ARHGEF26: variants seen among roughly 807,000 people sequenced by gnomAD.
The protein encoded by ARHGEF26 is Rho guanine nucleotide exchange factor (GEF) 26.
In ARHGEF26, 59 loss-of-function variants were observed where a neutral mutation model predicts 89.4. That is an observed-to-expected ratio of 0.66 (90% CI 0.54 to 0.82). ARHGEF26 has a LOEUF of 0.82. Among genes scored for constraint, ARHGEF26 ranks in the 40% least tolerant of loss-of-function variants. The probability of loss-of-function intolerance (pLI) is 0.00; values close to 1 mark genes in which losing one functional copy is unlikely to be tolerated. For synonymous variants in ARHGEF26, 500 were observed against 428.4 expected, an observed-to-expected ratio of 1.17 and a Z score of -2.06; for missense variants, 1,234 against 1,085.6, an observed-to-expected ratio of 1.14 and a Z score of -1.92.
chr3:154,194,338 C>T (rs1714151569), intron 8 of ARHGEF26, among the ~76,000 whole-genome samples: 2 of 152,130 alleles, frequency 1.3e-5, no homozygotes, highest in South Asian at 4.2e-4. Flanking sequence ...GAAAGAGAGG[C>T]TTATAAAGAT....
intron 11 of ARHGEF26, among the ~76,000 whole-genome samples, chr3:154,226,800 A>C (rs1026514984): frequency 6.6e-5 from 10 of 152,186 alleles, no homozygotes; most frequent in African/African-American, 2.4e-4. Context: ...ATGAACTTAG[A>C]GTGAAAACTT....
chr3:154,186,134 T>TAAACACACAC (rs1446154271), intron 6 of ARHGEF26, among the ~76,000 whole-genome samples: 1 of 26,884 alleles, frequency 3.7e-5, no homozygotes, highest in Non-Finnish European at 7.0e-5. Flanking sequence ...TACACACACT[T>TAAACACACAC]AGACACACAC....
chr3:154,237,575 T>TACACACAC (rs1322838552), intron 11 of ARHGEF26, among the ~76,000 whole-genome samples: 82 of 58,254 alleles, frequency 1.4e-3, no homozygotes, highest in Non-Finnish European at 2.4e-3. Flanking sequence ...CACACACACT[T>TACACACAC]AACTAGTTTA....
chr3:154,121,678 G>A (rs977269087), intron 1 of ARHGEF26, among the ~76,000 whole-genome samples, 159 bp downstream of exon 1: 1 of 152,238 alleles, frequency 6.6e-6, no homozygotes, highest in Admixed American at 6.5e-5. Flanking sequence ...CAGTGAATGG[G>A]TGGCGGGCTC....
intron 2 of ARHGEF26, 38 bp from the exon 3 acceptor site, chr3:154,124,372 C>CTTTTTTTTTTTTTTTTTCTTTT: frequency 9.9e-7 from 1 of 1,007,766 alleles, no homozygotes; most frequent in South Asian, 1.9e-5. Flanking sequence ...TTTGCTTTTC[C>CTTTTTTTTTTTTTTTTTCTTTT]TTTTTTTTTT....
chr3:154,254,739 C>A lies in ARHGEF26; in HGVS notation c.2388C>A (p.Ile796=). 4 of 1,613,830 alleles carry A rather than the reference C, an allele frequency of 2.5e-6. No individual in the cohort carries two copies. The South Asian group carries it at 4.4e-5, about 18-fold the overall frequency. Residue 796 remains isoleucine (I), a synonymous_variant, in exon 14 of 15, where the codon ATC becomes ATA. Transcript: ENST00000465093. ...CCTCAGCACTGACCCAGGTGGAAAT[C>A]GTTAGGTCATTTACTGCTAAGCAGC... The part of the protein sequence containing the change: ...ADRTSLTQVE[I]VRSFTAKQPD...
chr3:154,246,970 T>C (rs1218254480), intron 12 of ARHGEF26, among the ~76,000 whole-genome samples: 2 of 152,190 alleles, frequency 1.3e-5, no homozygotes, highest in East Asian at 3.9e-4. Context: ...TTAATCAACC[T>C]TGGCGTGACT....
chr3:154,193,002 A>G (rs1714044413), intron 8 of ARHGEF26, among the ~76,000 whole-genome samples: 1 of 152,132 alleles, frequency 6.6e-6, no homozygotes, highest in Non-Finnish European at 1.5e-5. Flanking sequence ...ACAGTGTTGG[A>G]GATTCATGCC....
chr3:154,241,830 G>A (rs1343922022), intron 12 of ARHGEF26, among the ~76,000 whole-genome samples: 1 of 152,194 alleles, frequency 6.6e-6, no homozygotes, highest in Non-Finnish European at 1.5e-5. Context: ...CATAACCTCT[G>A]GGATGATGGA....
chr3:154,243,116 G>A (rs1388876383), intron 12 of ARHGEF26, among the ~76,000 whole-genome samples: 2 of 152,116 alleles, frequency 1.3e-5, no homozygotes, highest in Non-Finnish European at 2.9e-5. Context: ...TCCTTTGTGT[G>A]GGGAAACTTC....
intron 6 of ARHGEF26, among the ~76,000 whole-genome samples, chr3:154,173,952 T>C (rs1478812692): frequency 6.6e-6 from 1 of 152,242 alleles, no homozygotes; most frequent in Non-Finnish European, 1.5e-5. Flanking sequence ...TGCCTTGTCA[T>C]TTGAAGATGA....
intron 6 of ARHGEF26, among the ~76,000 whole-genome samples, chr3:154,168,087 A>G (rs1238857701): frequency 6.6e-6 from 1 of 152,144 alleles, no homozygotes; most frequent in Non-Finnish European, 1.5e-5. Context: ...TTGTTCTGTG[A>G]TTAATAAACT....
In ARHGEF26 at chr3:154,256,738, A is replaced by G; in HGVS notation, c.*1265A>G. ...AGGCCTTAAAAGATACCAAGAAGTC[A>G]GCATGGTACCCAATTGAAACCTTTT... is the stretch of plus-strand genomic sequence containing the variant. On this transcript the variant is annotated 3_prime_UTR_variant, in exon 15 of 15. Coordinates refer to ENST00000465093, the MANE Select transcript of ARHGEF26 (RefSeq NM_015595.4). 1.4e-6 allele frequency: 2 copies of G among 1,389,088 alleles called. No individual in the cohort carries two copies. Among genetic ancestry groups the G allele is most frequent in the Non-Finnish European group, 1.9e-6 (2 of 1,077,778 alleles). 86.0% of individuals were successfully genotyped at this position (1,389,088 alleles called of 1,614,324 possible).
chr3:154,149,862 C>G (rs2108092053), intron 5 of ARHGEF26, among the ~76,000 whole-genome samples: 1 of 151,392 alleles, frequency 6.6e-6, no homozygotes, highest in African/African-American at 2.4e-5. Flanking sequence ...ACAAGGGTCT[C>G]TGAACCCTTT....
intron 6 of ARHGEF26, among the ~76,000 whole-genome samples, chr3:154,180,927 C>T (rs1030547292): frequency 6.6e-6 from 1 of 152,100 alleles, no homozygotes; most frequent in Non-Finnish European, 1.5e-5. Flanking sequence ...AAGGATTCAT[C>T]GATGAGCTTC....
intron 10 of ARHGEF26, among the ~76,000 whole-genome samples, chr3:154,219,740 C>A (rs1245801623): frequency 1.3e-5 from 2 of 151,544 alleles, no homozygotes; most frequent in African/African-American, 4.8e-5. Flanking sequence ...AGTGAAACCC[C>A]TTTTCTACTA....
chr3:154,249,981 CT>C (rs1236728781), intron 12 of ARHGEF26, among the ~76,000 whole-genome samples: 40 of 152,176 alleles, frequency 2.6e-4, no homozygotes, highest in Admixed American at 2.6e-3. Context: ...AACTTAGTTC[CT>C]GCTTTAGAGA....
chr3:154,240,613 G>A, intron 12 of ARHGEF26, 34 bp downstream of exon 12: 1 of 1,548,936 alleles, frequency 6.5e-7, no homozygotes, highest in Non-Finnish European at 8.8e-7. Flanking sequence ...TGGAATAGCT[G>A]ATAGTATCTC....
At chr3:154,190,558 G>A (rs6792383) in intron 7 of ARHGEF26, among the ~76,000 whole-genome samples, 1,634 of 152,254 alleles carry the variant, frequency 0.011, 25 homozygotes, top group African/African-American at 0.037. Flanking sequence ...GTCTTTGGCA[G>A]TTACTAAGTC....
Sources: allele counts gnomAD v4.1 joint callset (sites outside exome capture counted in the v4.1 genomes callset), GRCh38; gene constraint gnomAD v4.1.1; transcripts MANE v1.5; gene names NCBI Gene and HGNC (gene_info 2026-07-23, HGNC 2026-07-21).